The following ERCC4 variants were observed in gnomAD, a reference collection of about 807,000 sequenced individuals.
ERCC4 encodes DNA repair endonuclease XPF.
Under a neutral mutation model 76.9 loss-of-function variants are expected in ERCC4, and 65 were observed. The ratio of observed to expected loss-of-function variants is 0.84; its 90% CI spans 0.69 to 1.04. The LOEUF (loss-of-function observed/expected upper bound fraction) is 1.04. ERCC4 is among the 50% of genes least tolerant of loss of function. The pLI is 0.00. For missense variants in ERCC4, 1,214 were observed against 1,128.2 expected, an observed-to-expected ratio of 1.08 and a Z score of -1.09; for synonymous variants, 463 against 410.1, an observed-to-expected ratio of 1.13 and a Z score of -1.56.
intron 9 of ERCC4, among the ~76,000 whole-genome samples, chr16:13,941,991 A>G (rs2032421510): frequency 6.6e-6 from 1 of 152,224 alleles, no homozygotes; most frequent in South Asian, 2.1e-4. Context: ...GGCCAAGGCG[A>G]GAGGATCACT....
Position 13,920,385 on chromosome 16 carries a change from TG to T in ERCC4, c.207+15del. ...GCCGGCCGAGGAGGTGCGGCCGCGC[TG>T]GCGCGGGAGTGAGGGGACTCCGAGA... is the stretch of plus-strand genomic sequence containing the variant. On this transcript the variant is annotated intron_variant, in intron 1 of 10. Coordinates refer to ENST00000311895, the MANE Select transcript of ERCC4 (RefSeq NM_005236.3). The T allele has an allele frequency of 6.4e-7, 1 of 1,553,064 alleles. No individual in the cohort carries two copies. The highest frequency in any genetic ancestry group is 1.2e-5 in the South Asian group (1 of 86,246).
At position 13,948,325 on chromosome 16, in the gene ERCC4, C is replaced by G. The variant is rs765582513; in HGVS notation, c.2729C>G (p.Ser910Ter). Residue 910 changes from serine (S) to a stop codon, truncating the protein, a stop_gained, in exon 11 of 11, where the codon TCA becomes TGA. Coordinates refer to ENST00000311895, the MANE Select transcript of ERCC4 (RefSeq NM_005236.3). LOFTEE classifies it high-confidence loss of function. The stretch of plus-strand genomic sequence containing the variant: ...CACACCTCTTTTGCAGAAGTCGTAT[C>G]AAAAGGAAAAGGGAAAAAGTGAACA... ...FIHTSFAEVV[S>*]KGKGKK The G allele has an allele frequency of 6.2e-7, 1 of 1,612,378 alleles. No homozygotes were observed. Among genetic ancestry groups the G allele is most frequent in the Non-Finnish European group, 8.5e-7 (1 of 1,179,996 alleles).
At position 13,926,361 on chromosome 16, in the gene ERCC4, G is replaced by A. The variant is rs3136089; in HGVS notation, c.389-200G>A. Reference sequence around the variant, plus strand: ...TCATTTTTTCTTCTCAGCACTTGTAGCATCCTAAATATTTTACGTATTTAT... The same window carrying A: ...TCATTTTTTCTTCTCAGCACTTGTAACATCCTAAATATTTTACGTATTTAT... On this transcript the variant is annotated intron_variant, in intron 2 of 10. Transcript: ENST00000311895. Among the ~76,000 whole-genome samples the A allele has an allele frequency of 0.014, 2,181 of 152,212 alleles. 49 individuals carry two copies. The highest frequency in any genetic ancestry group is 0.05 in the African/African-American group (2,059 of 41,486).
At chr16:13,931,078 T>A in intron 5 of ERCC4, 188 bp downstream of exon 5, 1 of 612,652 alleles carries the variant, frequency 1.6e-6, no homozygotes. Context: ...CTACTTAACG[T>A]CTGTTCTGTA....
rs1002918079 is a variant in ERCC4 at position 13,926,595 on chromosome 16, G to C, written c.423G>C (p.Glu141Asp). Residue 141 changes from glutamate to aspartate, a missense_variant, in exon 3 of 11, where the codon GAG becomes GAC. Transcript: ENST00000311895. ...TGTATAGAGCCCACAGAATAATCGA[G>C]TCTTGTCAAGAAGCATTCATCTTGC... ...ILVYRAHRII[E>D]SCQEAFILRL... 3.1e-6 allele frequency: 5 copies of C among 1,614,038 alleles called. No individual in the cohort carries two copies. Among genetic ancestry groups the C allele is most frequent in the Non-Finnish European group, 4.2e-6 (5 of 1,180,030 alleles).
At position 13,948,266 on chromosome 16, in the gene ERCC4, T is replaced by C. The variant is rs1457796184; in HGVS notation, c.2670T>C (p.Asn890=). The C allele has an allele frequency of 2.5e-5, 40 of 1,614,042 alleles. No individual in the cohort carries two copies. The highest frequency in any genetic ancestry group is 3.2e-5 in the Non-Finnish European group (38 of 1,180,048). The change falls in exon 11 of 11, where the codon AAT becomes AAC. Residue 890 remains asparagine (N), a synonymous_variant. Coordinates refer to ENST00000311895, the MANE Select transcript of ERCC4 (RefSeq NM_005236.3). ...ACGAGCTCACGAGTATTCTGGGGAA[T>C]GCTGCAAATGCCAAACAGCTTTATG... ...SQDELTSILG[N]AANAKQLYDF...
intron 5 of ERCC4, 167 bp from the exon 6 acceptor site, chr16:13,931,990 A>G (rs1332666767): frequency 3.0e-6 from 2 of 677,314 alleles, no homozygotes; most frequent in African/African-American, 3.6e-5. Flanking sequence ...ACACCCAGAA[A>G]ACCACTGGTC....
At chr16:13,929,891 G>GAGGC (rs1350486220) in intron 4 of ERCC4, among the ~76,000 whole-genome samples, 3 of 152,176 alleles carry the variant, frequency 2.0e-5, no homozygotes, top group Admixed American at 6.5e-5. Flanking sequence ...ACGAACCTGG[G>GAGGC]AGGCGGAGGT....
chr16:13,935,464 A>G lies in ERCC4; in HGVS notation c.1532A>G (p.Glu511Gly), dbSNP rs761759726. ...GAACTGGAAGAGGAAGGAGATGTCG[A>G]GGAAGGATATCGTCGAGAAATAAGC... ...PEELEEEGDV[E>G]EGYRREISSS... The change falls in exon 8 of 11, where the codon GAG becomes GGG. Residue 511 changes from glutamate to glycine, a missense_variant. Coordinates refer to ENST00000311895, the MANE Select transcript of ERCC4 (RefSeq NM_005236.3). The G allele has an allele frequency of 6.2e-7, 1 of 1,614,214 alleles. No individual in the cohort carries two copies. The highest frequency in any genetic ancestry group is 1.1e-5 in the South Asian group (1 of 91,082).
chr16:13,932,399 A>G, intron 6 of ERCC4, 114 bp downstream of exon 6: 1 of 919,834 alleles, frequency 1.1e-6, no homozygotes. Flanking sequence ...TTCCTTGAAG[A>G]TAAATGTATG....
At chr16:13,931,975 G>A (rs1343328564) in intron 5 of ERCC4, 182 bp from the exon 6 acceptor site, 4 of 631,126 alleles carry the variant, frequency 6.3e-6, no homozygotes, top group East Asian at 5.4e-5. Flanking sequence ...GGGAGTTCAC[G>A]GACCACACCC....
At position 13,948,928 on chromosome 16, in the gene ERCC4, G is replaced by A; in HGVS notation, c.*581G>A. 4.3e-6 allele frequency: 1 copy of A among 232,600 alleles called. No individual in the cohort carries two copies. 14.4% of individuals were successfully genotyped at this position (232,600 alleles called of 1,614,324 possible). A position where few individuals can be genotyped will look rare whatever the true frequency, so the allele number is the denominator to read the frequency against. Reference sequence around the variant, plus strand: ...ACAAAGGAGCCTTCTGGAACACTGAGAAGAAACATCTCTTTGCCATTCCTG... The same window carrying A: ...ACAAAGGAGCCTTCTGGAACACTGAAAAGAAACATCTCTTTGCCATTCCTG... On this transcript the variant is annotated 3_prime_UTR_variant, in exon 11 of 11. Coordinates refer to ENST00000311895, the MANE Select transcript of ERCC4 (RefSeq NM_005236.3).
chr16:13,937,826 G>A lies in ERCC4; in HGVS notation c.1872G>A (p.Arg624=), dbSNP rs1376898272. ...TEEQRYLTAL[R]KEKEAFEKLI... Reference sequence around the variant, plus strand: ...AACAACGCTATCTCACTGCTTTGCGGAAAGAAAAGGAAGCTTTTGAAAAAC... The same window carrying A: ...AACAACGCTATCTCACTGCTTTGCGAAAAGAAAAGGAAGCTTTTGAAAAAC... The change falls in exon 9 of 11, where the codon CGG becomes CGA. Residue 624 remains arginine, a synonymous_variant. Transcript: ENST00000311895. 6.2e-7 allele frequency: 1 copy of A among 1,613,360 alleles called. No homozygotes were observed. The highest frequency in any genetic ancestry group is 1.7e-5 in the Admixed American group (1 of 60,008).
At chr16:13,931,065 C>T (rs528091880) in intron 5 of ERCC4, 175 bp downstream of exon 5, 16 of 629,558 alleles carry the variant, frequency 2.5e-5, no homozygotes, top group Middle Eastern at 8.5e-4. Flanking sequence ...CTAATGTTTC[C>T]GCCTACTTAA....
chr16:13,938,010 G>C (rs923883229), intron 9 of ERCC4, 152 bp downstream of exon 9: 15 of 650,488 alleles, frequency 2.3e-5, no homozygotes, highest in Non-Finnish European at 3.9e-5. Flanking sequence ...TTGTCCTCCA[G>C]TGTAGATCTC....
chr16:13,948,049 A>G lies in ERCC4; in HGVS notation c.2453A>G (p.Gln818Arg). 1 of 1,614,190 alleles carries G rather than the reference A, an allele frequency of 6.2e-7. No homozygotes were observed. Among genetic ancestry groups the G allele is most frequent in the Admixed American group, 1.7e-5 (1 of 60,020 alleles). Residue 818 changes from glutamine (Q) to arginine (R), a missense_variant, in exon 11 of 11, where the codon CAA (glutamine) becomes CGA (arginine). Transcript: ENST00000311895. ...GCGGAGTTGTTTGAGGAGCTGAAAC[A>G]AAGCAAGCCACAGCCTGATGCGGCG... is the stretch of plus-strand genomic sequence containing the variant. ...ATAELFEELK[Q>R]SKPQPDAATA...
At position 13,944,503 on chromosome 16, in the gene ERCC4, AAGT is replaced by A. The variant is rs3136206; in HGVS notation, c.1905-215_1905-213del. ...GCTTTTTTTACTCTGGAAAATCAAG[AAGT>A]AGTATCCGACCAAGGCACTTTTTAC... On this transcript the variant is annotated intron_variant, in intron 9 of 10. Transcript: ENST00000311895. Among the ~76,000 whole-genome samples the A allele has an allele frequency of 0.058, 8,856 of 152,190 alleles. 873 individuals carry two copies. Among genetic ancestry groups the A allele is most frequent in the African/African-American group, 0.2 (8,275 of 41,444 alleles).
rs751828681 is a variant in ERCC4 at position 13,935,325 on chromosome 16, T to C, written c.1393T>C (p.Ser465Pro). 1.9e-6 allele frequency: 3 copies of C among 1,613,412 alleles called. No homozygotes were observed. The highest frequency in any genetic ancestry group is 2.5e-6 in the Non-Finnish European group (3 of 1,179,898). The change falls in exon 8 of 11, where the codon TCT (serine) becomes CCT (proline). Residue 465 changes from serine to proline, a missense_variant. By Grantham distance (74) the Ser-to-Pro change is moderately conservative. Coordinates refer to ENST00000311895, the MANE Select transcript of ERCC4 (RefSeq NM_005236.3). ...AGACAGTTCAAAGAGAATTAGGAAATCTCACAAAAGACCTAAAGACCCCCA... is the reference window on the plus strand; with the variant it reads ...AGACAGTTCAAAGAGAATTAGGAAACCTCACAAAAGACCTAAAGACCCCCA... ...KEDSSKRIRK[S>P]HKRPKDPQNK... is the part of the protein sequence containing the mutation.
Position 13,949,226 on chromosome 16 carries a change from T to C in ERCC4, c.*879T>C, listed in dbSNP as rs1326060090. On this transcript the variant is annotated 3_prime_UTR_variant, in exon 11 of 11. Coordinates refer to ENST00000311895, the MANE Select transcript of ERCC4 (RefSeq NM_005236.3). The stretch of plus-strand genomic sequence containing the variant: ...TTTGCACATATTCAGTCTCCTAATA[T>C]CAGAGATCCCTAAGTCCAGCTGGCT... 3 of 233,228 alleles carry C rather than the reference T, an allele frequency of 1.3e-5. No homozygotes were observed. Among genetic ancestry groups the C allele is most frequent in the Non-Finnish European group, 2.5e-5 (3 of 118,068 alleles). The allele number at this position is 233,228 out of a possible 1,614,324, so 14.4% of individuals were successfully genotyped here. A position where few individuals can be genotyped will look rare whatever the true frequency, so the allele number is the denominator to read the frequency against.
Sources: gnomAD v4.1 joint callset for allele counts (sites outside exome capture counted in the v4.1 genomes callset) on GRCh38, gnomAD v4.1.1 for gene constraint, MANE v1.5 for transcripts, NCBI Gene and HGNC (gene_info 2026-07-23, HGNC 2026-07-21) for gene names.